The following BCOR variants were observed in gnomAD, a reference collection of about 807,000 sequenced individuals.
BCOR encodes BCL6 corepressor.
A neutral mutation model predicts 86.7 loss-of-function variants in BCOR; 10 were observed. The observed-to-expected ratio is 0.12, with a 90% CI of 0.07 to 0.20. BCOR has a LOEUF of 0.20. Ranked by LOEUF, BCOR falls within the 10% of genes least tolerant of loss-of-function variation. The probability of loss-of-function intolerance (pLI) is 1.00; values close to 1 mark genes in which losing one functional copy is unlikely to be tolerated. For missense variants in BCOR, 1,259 were observed against 1,452.1 expected (o/e 0.87, Z 2.16); for synonymous variants, 611 against 609.0 (o/e 1.00, Z -0.05).
At chrX:40,095,153 C>G (rs1423902143) in intron 1 of BCOR, among the ~76,000 whole-genome samples, 2 of 111,677 alleles carry the variant, frequency 1.8e-5, no homozygotes, top group Non-Finnish European at 3.8e-5. Flanking sequence ...CCTTCCCCCC[C>G]CACTCCGCTC....
chrX:40,090,133 T>C (rs1170593839), intron 1 of BCOR, among the ~76,000 whole-genome samples: 1 of 112,848 alleles, frequency 8.9e-6, no homozygotes, highest in Non-Finnish European at 1.9e-5. Flanking sequence ...CTCGGCTCGA[T>C]GGGTACAGGC....
chrX:40,148,552 C>G (rs766496608), intron 1 of BCOR, among the ~76,000 whole-genome samples: 2 of 111,166 alleles, frequency 1.8e-5, no homozygotes, highest in Admixed American at 9.6e-5. Context: ...AGAGAGGGCC[C>G]TTCATGGGGG....
chrX:40,121,271 G>A (rs375998079), intron 1 of BCOR, among the ~76,000 whole-genome samples: 11 of 111,167 alleles, frequency 9.9e-5, no homozygotes, highest in East Asian at 5.6e-4. Flanking sequence ...CGTTGCCACC[G>A]GGAGCTGGCT....
chrX:40,079,414 T>C (rs1935974495), intron 1 of BCOR, among the ~76,000 whole-genome samples: 1 of 111,941 alleles, frequency 8.9e-6, no homozygotes, highest in Non-Finnish European at 1.9e-5. Flanking sequence ...ACCTGGGGGA[T>C]GGAATCCCAA....
chrX:40,102,037 C>A (rs1028168465), upstream of BCOR, among the ~76,000 whole-genome samples: 4 of 112,135 alleles, frequency 3.6e-5, no homozygotes, highest in Admixed American at 3.8e-4. Context: ...AGCTGGCTTC[C>A]CCTCTGAAAC....
chrX:40,129,661 C>T (rs766152453), intron 1 of BCOR, among the ~76,000 whole-genome samples: 2 of 109,521 alleles, frequency 1.8e-5, no homozygotes, highest in East Asian at 5.7e-4. Flanking sequence ...AGCTGCGGGG[C>T]CTTAGGGAGG....
intron 6 of BCOR, among the ~76,000 whole-genome samples, chrX:40,065,968 G>C (rs998355374): frequency 4.5e-5 from 5 of 111,001 alleles, no homozygotes; most frequent in Non-Finnish European, 7.6e-5. Context: ...GCTTTACAGG[G>C]GTGTTGGCTA....
At chrX:40,161,208 G>GT (rs1441025351) in intron 1 of BCOR, among the ~76,000 whole-genome samples, 2 of 97,937 alleles carry the variant, frequency 2.0e-5, no homozygotes, top group African/African-American at 3.8e-5. Context: ...GTTTTTTTTT[G>GT]TTTTTTGGGT....
In BCOR at chrX:40,064,691, A is replaced by G. The variant is rs1163710486; in HGVS notation, c.3239-92T>C. 3 of 1,015,141 alleles carry G rather than the reference A, an allele frequency of 3.0e-6. No individual in the cohort carries two copies. The East Asian group carries it at 9.1e-5, about 31-fold the overall frequency. 83.7% of individuals were successfully genotyped at this position (1,015,141 alleles called of 1,213,427 possible). A position where few individuals can be genotyped will look rare whatever the true frequency, so the allele number is the denominator to read the frequency against. ...GGAGTGCGTGGGACCACCATGCCCA[A>G]GGTAATCTGCTATTGACAGCTGCTT... On this transcript the variant is annotated intron_variant, in intron 6 of 14. Transcript: ENST00000378444.
At chrX:40,060,028 TGTGGTA>T (rs1934792127) in intron 10 of BCOR, among the ~76,000 whole-genome samples, 2 of 111,889 alleles carry the variant, frequency 1.8e-5, no homozygotes, top group Non-Finnish European at 3.8e-5. Context: ...TTTTATTGCA[TGTGGTA>T]TCTTTTTAGC....
chrX:40,173,733 G>C (rs190199822), intron 1 of BCOR, among the ~76,000 whole-genome samples: 4 of 112,289 alleles, frequency 3.6e-5, no homozygotes, highest in Non-Finnish European at 5.6e-5. Flanking sequence ...GGGGAAGAGC[G>C]CTGGTTTCCA....
chrX:40,054,755 G>A (rs761528626), intron 12 of BCOR, among the ~76,000 whole-genome samples: 5 of 112,354 alleles, frequency 4.5e-5, no homozygotes, highest in East Asian at 2.8e-4. Flanking sequence ...CACCTGCCTC[G>A]GCCTCCCAAA....
chrX:40,093,328 A>C (rs1236108900), intron 1 of BCOR, among the ~76,000 whole-genome samples: 2 of 111,906 alleles, frequency 1.8e-5, no homozygotes, highest in African/African-American at 6.5e-5. Flanking sequence ...GCTCTTTCCC[A>C]GGCCAGACCA....
At chrX:40,069,694 T>A (rs1388842022) in intron 6 of BCOR, among the ~76,000 whole-genome samples, 1 of 112,296 alleles carries the variant, frequency 8.9e-6, no homozygotes, top group African/African-American at 3.2e-5. Context: ...CAAGAGCTGG[T>A]GTTGAGGCAA....
chrX:40,098,306 A>G (rs966426051), upstream of BCOR, among the ~76,000 whole-genome samples: 39 of 106,954 alleles, frequency 3.6e-4, no homozygotes, highest in African/African-American at 1.3e-3. Context: ...CGAACCCCGG[A>G]CCACTTGGGT....
At chrX:40,110,624 C>T (rs912030426) in intron 1 of BCOR, among the ~76,000 whole-genome samples, 2 of 89,444 alleles carry the variant, frequency 2.2e-5, no homozygotes, top group African/African-American at 8.1e-5. Context: ...CTAAGACAAT[C>T]AACCATTTTC....
intron 7 of BCOR, 31 bp downstream of exon 7, chrX:40,064,305 C>CCGG (rs1242302627): frequency 2.5e-6 from 3 of 1,210,800 alleles, no homozygotes; most frequent in Non-Finnish European, 3.4e-6. Flanking sequence ...GGCCCACCCC[C>CCGG]CGGCAGGCGG....
At chrX:40,068,346 C>T (rs1307896887) in intron 6 of BCOR, among the ~76,000 whole-genome samples, 1 of 112,270 alleles carries the variant, frequency 8.9e-6, no homozygotes, top group Non-Finnish European at 1.9e-5. Flanking sequence ...GTTATAACTT[C>T]TACCCTCTCC....
chrX:40,092,036 G>A (rs1304583030), intron 1 of BCOR, among the ~76,000 whole-genome samples: 1 of 112,716 alleles, frequency 8.9e-6, no homozygotes, highest in Non-Finnish European at 1.9e-5. Flanking sequence ...CTAACAAAGG[G>A]CCTTGTGAGC....
Sources: allele counts gnomAD v4.1 joint callset (sites outside exome capture counted in the v4.1 genomes callset), GRCh38; gene constraint gnomAD v4.1.1; transcripts MANE v1.5; gene names NCBI Gene and HGNC (gene_info 2026-07-23, HGNC 2026-07-21).